Variants in PSMD1 observed in about 807,000 individuals in gnomAD.
PSMD1 encodes 26S proteasome non-ATPase regulatory subunit 1.
In PSMD1, 18 loss-of-function variants were observed where a neutral mutation model predicts 119.0. That is an observed-to-expected ratio of 0.15 (90% CI 0.10 to 0.22). The LOEUF (loss-of-function observed/expected upper bound fraction) is 0.22, where lower values mean the gene tolerates loss of function less well. PSMD1 is among the 10% of genes least tolerant of loss of function. The pLI is 1.00. For missense variants in PSMD1, 702 were observed against 1,158.5 expected (o/e 0.61, Z 5.72); for synonymous variants, 374 against 396.6 (o/e 0.94, Z 0.68).
In PSMD1 at chr2:231,123,654, T is replaced by C. The variant is rs747756119; in HGVS notation, c.1884-15082T>C. 1.9e-6 allele frequency: 3 copies of C among 1,613,982 alleles called. No homozygotes were observed. In the South Asian group the frequency reaches 3.3e-5, roughly 18 times the overall value. ...TCTGTTTCATTTCCTCTGGTATTGA[T>C]TCTGTCTGTAATCCAGACCAGTTAG... On this transcript the variant is annotated intron_variant, in intron 16 of 24. Transcript: ENST00000308696.
At chr2:231,079,468 A>G (rs1694254670) in intron 10 of PSMD1, 68 bp from the exon 11 acceptor site, 2 of 1,074,566 alleles carry the variant, frequency 1.9e-6, no homozygotes, top group East Asian at 2.5e-5. Flanking sequence ...TTTTAACCTT[A>G]GAGTTAAAAA....
intron 16 of PSMD1, among the ~76,000 whole-genome samples, chr2:231,127,602 C>T (rs1695757226): frequency 6.6e-6 from 1 of 152,164 alleles, no homozygotes; most frequent in Admixed American, 6.5e-5. Flanking sequence ...TGATCGCCTG[C>T]CTCAGCCTCC....
rs1348745856 is a variant in PSMD1, at chr2:231,072,857, A to G, written c.881+442A>G. Reference sequence around the variant, plus strand: ...AGAAATTTGCATTCTGTACAAATTGATATGGTATTAAAATTTTATTTTTCT... The same window carrying G: ...AGAAATTTGCATTCTGTACAAATTGGTATGGTATTAAAATTTTATTTTTCT... On this transcript the variant is annotated intron_variant, in intron 7 of 24. Transcript: ENST00000308696. Among the ~76,000 whole-genome samples the G allele has an allele frequency of 3.3e-5, 5 of 152,234 alleles. No individual in the cohort carries two copies. In the East Asian group the frequency reaches 7.7e-4, roughly 23 times the overall value.
rs1236964193 is a variant in PSMD1, at chr2:231,153,564, G to A, written c.2116G>A (p.Val706Met). ...IQQTEITCPK[V>M]NQFRQLYSKV... The stretch of plus-strand genomic sequence containing the variant: ...ATAATTCTTTCTCTTGCTCCTTCAG[G>A]TGAATCAGTTCAGACAGCTGTATTC... The change falls in exon 19 of 25, where the codon GTG (valine) becomes ATG (methionine). Residue 706 changes from valine to methionine, a missense_variant and splice_region_variant. Physicochemically the swap from Val to Met is conservative, Grantham distance 21 (BLOSUM62 1). Transcript: ENST00000308696. 2 of 1,603,898 alleles carry A rather than the reference G, an allele frequency of 1.2e-6. No homozygotes were observed. Among genetic ancestry groups the A allele is most frequent in the Non-Finnish European group, 1.7e-6 (2 of 1,172,636 alleles).
At position 231,154,454 on chromosome 2, in the gene PSMD1, ACTGT is replaced by A. The variant is rs1696441496; in HGVS notation, c.2218+789_2218+792del. Among the ~76,000 whole-genome samples the A allele has an allele frequency of 2.0e-5, 3 of 150,010 alleles. No homozygotes were observed. In the South Asian group the frequency reaches 6.7e-4, roughly 33 times the overall value. On this transcript the variant is annotated intron_variant, in intron 19 of 24. Transcript: ENST00000308696. ...ACAGTGCCTGTCACTTAGTAAAGTGACTGTTGGTTGGTTTTTTGTTATTTTTCTT... is the reference window on the plus strand; with the variant it reads ...ACAGTGCCTGTCACTTAGTAAAGTGATGGTTGGTTTTTTGTTATTTTTCTT...
intron 9 of PSMD1, among the ~76,000 whole-genome samples, chr2:231,077,514 G>A (rs977778029): frequency 6.6e-6 from 1 of 151,936 alleles, no homozygotes; most frequent in Admixed American, 6.5e-5. Context: ...TCTGTGGAGT[G>A]TACTTTCATT....
chr2:231,075,504 A>G lies in PSMD1; in HGVS notation c.882-7A>G, dbSNP rs749433033. On this transcript the variant is annotated splice_region_variant and splice_polypyrimidine_tract_variant and intron_variant, in intron 7 of 24. Transcript: ENST00000308696. ...TCAGAAAAAATTATTGGTTCTTTTC[A>G]TTTCAGTGACTCGATGGAAACAGAA... 1.2e-6 allele frequency: 2 copies of G among 1,612,852 alleles called. No homozygotes were observed. Among genetic ancestry groups the G allele is most frequent in the South Asian group, 1.1e-5 (1 of 90,850 alleles).
At chr2:231,085,169 A>G (rs1559224269) in intron 15 of PSMD1, 55 bp downstream of exon 15, 4 of 1,422,298 alleles carry the variant, frequency 2.8e-6, no homozygotes, top group East Asian at 4.6e-5. Flanking sequence ...TTGCAGATGG[A>G]CAATAAGTGT....
intron 16 of PSMD1, among the ~76,000 whole-genome samples, chr2:231,087,887 G>A (rs1054196547): frequency 5.9e-5 from 9 of 151,942 alleles, no homozygotes; most frequent in Non-Finnish European, 1.3e-4. Flanking sequence ...GCTTGAATCT[G>A]GGAGGCAGAA....
rs747013356 is a variant in PSMD1, at chr2:231,087,111, C to T, written c.1819-6C>T. On this transcript the variant is annotated splice_region_variant and splice_polypyrimidine_tract_variant and intron_variant, in intron 15 of 24. Transcript: ENST00000308696. ...GTATAATATAATCTTAAACTTTTCC[C>T]CCTAGGTAAGTGATGTTAATGATGA... The T allele has an allele frequency of 3.7e-6, 6 of 1,612,864 alleles. No homozygotes were observed. The East Asian group carries it at 1.1e-4, about 30-fold the overall frequency.
rs183832704 is a variant in PSMD1, at chr2:231,063,343, G to A, written c.304+668G>A. On this transcript the variant is annotated intron_variant, in intron 4 of 24. Transcript: ENST00000308696. ...GATTTTATAGTGTAAAAAAATGCTT[G>A]AAAACTGTTGATGTAGTAAATGAAA... is the stretch of plus-strand genomic sequence containing the variant. Among the ~76,000 whole-genome samples, 43 of 152,320 alleles carry A rather than the reference G, an allele frequency of 2.8e-4. No individual in the cohort carries two copies. The East Asian group carries it at 7.5e-3, about 27-fold the overall frequency.
At chr2:231,160,354 A>G (rs1405673673) in intron 19 of PSMD1, among the ~76,000 whole-genome samples, 1 of 152,200 alleles carries the variant, frequency 6.6e-6, no homozygotes, top group Non-Finnish European at 1.5e-5. Context: ...AAGTGGCTTA[A>G]TAATTCGTAG....
chr2:231,093,155 G>A (rs113773323), intron 16 of PSMD1, among the ~76,000 whole-genome samples: 81 of 152,242 alleles, frequency 5.3e-4, no homozygotes, highest in African/African-American at 1.8e-3. Context: ...GTTGGGAAGC[G>A]GGTGTCTGCT....
At chr2:231,109,142 G>A (rs777647246) in intron 16 of PSMD1, 1 of 1,614,124 alleles carries the variant, frequency 6.2e-7, no homozygotes, top group Non-Finnish European at 8.5e-7. Context: ...TGACGAGCAA[G>A]GTGTTTCATC....
chr2:231,067,150 G>C (rs1402494328), intron 5 of PSMD1, 39 bp downstream of exon 5: 1 of 1,433,190 alleles, frequency 7.0e-7, no homozygotes. Context: ...ATTGTTGATA[G>C]GGAATCAGCA....
intron 16 of PSMD1, among the ~76,000 whole-genome samples, chr2:231,089,017 G>A (rs992539220): frequency 6.6e-6 from 1 of 152,190 alleles, no homozygotes; most frequent in Non-Finnish European, 1.5e-5. Context: ...GTAGTGCTCC[G>A]GAGAGAAGAT....
At chr2:231,059,673 T>C (rs1199291965) in intron 1 of PSMD1, among the ~76,000 whole-genome samples, 9 of 152,238 alleles carry the variant, frequency 5.9e-5, no homozygotes, top group Non-Finnish European at 1.3e-4. Context: ...ACTTTTAAGC[T>C]GTGTCTTCTG....
chr2:231,070,217 G>A (rs1694010749), intron 6 of PSMD1, 49 bp downstream of exon 6: 2 of 1,348,812 alleles, frequency 1.5e-6, no homozygotes, highest in Non-Finnish European at 1.9e-6. Context: ...GCTGTACTGT[G>A]CTATGCTATA....
At chr2:231,113,964 C>G in intron 16 of PSMD1, 3 of 1,555,588 alleles carry the variant, frequency 1.9e-6, no homozygotes, top group Non-Finnish European at 2.7e-6. Context: ...ACATTTTATT[C>G]TATAAAATGG....
Sources: allele counts gnomAD v4.1 joint callset (sites outside exome capture counted in the v4.1 genomes callset), GRCh38; gene constraint gnomAD v4.1.1; transcripts MANE v1.5; gene names NCBI Gene and HGNC (gene_info 2026-07-23, HGNC 2026-07-21).